Variants in TESPA1 observed in about 807,000 individuals in gnomAD.
The protein encoded by TESPA1 is protein TESPA1.
A neutral mutation model predicts 57.9 loss-of-function variants in TESPA1; 33 were observed. The observed-to-expected ratio is 0.57, with a 90% CI of 0.43 to 0.76. TESPA1 has a LOEUF of 0.76. Among genes scored for constraint, TESPA1 ranks in the 30% least tolerant of loss-of-function variants. TESPA1 has a pLI of 0.00. For synonymous variants in TESPA1, 227 were observed against 228.9 expected, an observed-to-expected ratio of 0.99 and a Z score of 0.07; for missense variants, 618 against 632.9, an observed-to-expected ratio of 0.98 and a Z score of 0.25.
At chr12:54,959,306 A>G (rs774853373) in intron 10 of TESPA1, among the ~76,000 whole-genome samples, 3 of 152,204 alleles carry the variant, frequency 2.0e-5, no homozygotes, top group Non-Finnish European at 2.9e-5. Context: ...TTAGTCTCTG[A>G]TAAAACCTCA....
At position 54,961,269 on chromosome 12, in the gene TESPA1, T is replaced by C; in HGVS notation, c.1468-2A>G. ...CTCCTCCTCACTGTTGCTTTGCACC[T>C]GTAACCAAGATCCCACAGAACTCAG... On this transcript the variant is annotated splice_acceptor_variant, in intron 9 of 10. Coordinates refer to ENST00000449076, the MANE Select transcript of TESPA1 (RefSeq NM_001136030.3). LOFTEE classifies it high-confidence loss of function. 1.2e-6 allele frequency: 2 copies of C among 1,613,848 alleles called. No individual in the cohort carries two copies.
rs374220442 is a variant in TESPA1 at position 54,973,477 on chromosome 12, C to A, written c.206G>T (p.Gly69Val). The A allele has an allele frequency of 6.2e-7, 1 of 1,613,984 alleles. No homozygotes were observed. Among genetic ancestry groups the A allele is most frequent in the African/African-American group, 1.3e-5 (1 of 75,030 alleles). ...NKIEDWLQDC[G>V]YSEEGFSEEA... Reference sequence around the variant, plus strand: ...ACCCCATTGCCTGTCCAGCACTTACCCGCAATCCTGCAGCCAGTCTTCAAT... The same window carrying A: ...ACCCCATTGCCTGTCCAGCACTTACACGCAATCCTGCAGCCAGTCTTCAAT... Residue 69 changes from glycine to valine, a missense_variant and splice_region_variant, in exon 3 of 11, where the codon GGA becomes GTA. Gly to Val is a moderately radical substitution (Grantham distance 109). Transcript: ENST00000449076.
rs752909410 is a variant in TESPA1 at position 54,962,708 on chromosome 12, A to G, written c.1190T>C (p.Ile397Thr). ...GTCTGTGCTCCACTGTGGATCTTCT[A>G]TGGGCAGAGAATGTGTGCAACAGGG... Reference protein sequence around the residue: ...KVPCCTHSLPIEDPQWSTDPA... With the variant: ...KVPCCTHSLPTEDPQWSTDPA... The change falls in exon 9 of 11, where the codon ATA becomes ACA. Residue 397 changes from isoleucine to threonine, a missense_variant. Ile to Thr is a moderately conservative substitution (Grantham distance 89). This residue lies in a region of TESPA1 where 409 missense variants were observed against 420.1 expected (regional missense o/e 0.97). Coordinates refer to ENST00000449076, the MANE Select transcript of TESPA1 (RefSeq NM_001136030.3). 9 of 1,613,816 alleles carry G rather than the reference A, an allele frequency of 5.6e-6. No homozygotes were observed. In the East Asian group the frequency reaches 8.9e-5, roughly 16 times the overall value.
chr12:54,975,506 C>T (rs1952100409), intron 1 of TESPA1, among the ~76,000 whole-genome samples: 1 of 152,060 alleles, frequency 6.6e-6, no homozygotes, highest in African/African-American at 2.4e-5. Flanking sequence ...AAGCTTGAAG[C>T]TAATGTAATA....
At chr12:54,976,552 A>AGGAG (rs372109874) in intron 1 of TESPA1, among the ~76,000 whole-genome samples, 5 of 142,464 alleles carry the variant, frequency 3.5e-5, no homozygotes, top group East Asian at 4.9e-4. Context: ...GAGGAAAAGA[A>AGGAG]GGAGGGAGGG....
intron 3 of TESPA1, among the ~76,000 whole-genome samples, chr12:54,969,022 T>TGTGTGTGC (rs1491586370): frequency 5.0e-5 from 3 of 60,294 alleles, no homozygotes; most frequent in African/African-American, 3.4e-4. Flanking sequence ...TTTATATATG[T>TGTGTGTGC]ATATATATAT....
chr12:54,961,323 A>G, intron 9 of TESPA1, 56 bp from the exon 10 acceptor site: 1 of 1,602,300 alleles, frequency 6.2e-7, no homozygotes, highest in East Asian at 2.2e-5. Context: ...GGGGGTAAGG[A>G]AAGGTGCAGG....
chr12:54,968,700 T>C (rs1029346859), intron 3 of TESPA1, among the ~76,000 whole-genome samples: 2 of 152,138 alleles, frequency 1.3e-5, no homozygotes, highest in Non-Finnish European at 2.9e-5. Context: ...AACACTGATA[T>C]GTTGTGAATT....
intron 1 of TESPA1, 33 bp from the exon 2 acceptor site, chr12:54,974,640 C>T: frequency 7.2e-7 from 1 of 1,382,968 alleles, no homozygotes; most frequent in African/African-American, 1.5e-5. Context: ...ACTCCCTCAT[C>T]ATATGCTCAG....
At chr12:54,972,532 A>T (rs1951898129) in intron 3 of TESPA1, among the ~76,000 whole-genome samples, 1 of 152,152 alleles carries the variant, frequency 6.6e-6, no homozygotes, top group Non-Finnish European at 1.5e-5. Flanking sequence ...GATTACCACC[A>T]TTCTTTTCTT....
At chr12:54,961,597 A>AGAAGAGTTGGTGGACTTAGAGAACAC (rs1190276814) in intron 9 of TESPA1, among the ~76,000 whole-genome samples, 1 of 152,220 alleles carries the variant, frequency 6.6e-6, no homozygotes, top group African/African-American at 2.4e-5. Flanking sequence ...TTAGAGGGTC[A>AGAAGAGTTGGTGGACTTAGAGAACAC]GAAGAGTTGG....
At chr12:54,951,100 C>T (rs974470462) in intron 10 of TESPA1, among the ~76,000 whole-genome samples, 1 of 152,160 alleles carries the variant, frequency 6.6e-6, no homozygotes, top group African/African-American at 2.4e-5. Flanking sequence ...TGTGTCCCCA[C>T]CCAAATATCA....
intron 1 of TESPA1, among the ~76,000 whole-genome samples, chr12:54,975,943 A>T (rs1009624082): frequency 9.9e-5 from 15 of 152,124 alleles, no homozygotes; most frequent in Non-Finnish European, 1.8e-4. Flanking sequence ...AACTTCCTTC[A>T]CTTCAGGTCC....
At chr12:54,973,967 G>GTAC in intron 2 of TESPA1, 1 of 925,716 alleles carries the variant, frequency 1.1e-6, no homozygotes, top group South Asian at 4.5e-5. Flanking sequence ...TGTAGGAAAG[G>GTAC]TACTACTACT....
chr12:54,955,238 A>G (rs1465322852), intron 10 of TESPA1, among the ~76,000 whole-genome samples: 1 of 152,212 alleles, frequency 6.6e-6, no homozygotes, highest in African/African-American at 2.4e-5. Context: ...CTTTCAATAA[A>G]TGATAATTCC....
chr12:54,949,359 C>A lies in TESPA1; in HGVS notation c.*1033G>T, dbSNP rs1006872467. On this transcript the variant is annotated 3_prime_UTR_variant, in exon 11 of 11. Transcript: ENST00000449076. ...TTTGGTTATGATTTCCCTCAAATTC[C>A]CTCAAGTCCCTCTCTTCCTGTTTTT... 7.0e-6 allele frequency: 1 copy of A among 142,356 alleles called. No individual in the cohort carries two copies. Among genetic ancestry groups the A allele is most frequent in the Non-Finnish European group, 1.5e-5 (1 of 66,340 alleles). The allele number at this position is 142,356 out of a possible 1,614,324, so 8.8% of individuals were successfully genotyped here.
At chr12:54,983,304 A>G (rs555545551) in intron 1 of TESPA1, among the ~76,000 whole-genome samples, 1 of 152,284 alleles carries the variant, frequency 6.6e-6, no homozygotes, top group South Asian at 2.1e-4. Context: ...AATAACTCAG[A>G]TGTTAAATTG....
rs1950216994 is a variant in TESPA1, at chr12:54,948,725, A to T, written c.*1667T>A. 2 of 152,362 alleles carry T rather than the reference A, an allele frequency of 1.3e-5. No homozygotes were observed. The highest frequency in any genetic ancestry group is 2.9e-5 in the Non-Finnish European group (2 of 68,124). The allele number at this position is 152,362 out of a possible 1,614,324, so 9.4% of individuals were successfully genotyped here. ...AACCTCTTTTCTGTATAAATTACCC[A>T]GTCTCAGGTATTTATTTATAGCAGT... is the stretch of plus-strand genomic sequence containing the variant. On this transcript the variant is annotated 3_prime_UTR_variant, in exon 11 of 11. Coordinates refer to ENST00000449076, the MANE Select transcript of TESPA1 (RefSeq NM_001136030.3).
chr12:54,966,546 T>C (rs1437790065), intron 5 of TESPA1, 122 bp from the exon 6 acceptor site: 3 of 1,142,812 alleles, frequency 2.6e-6, no homozygotes, highest in Non-Finnish European at 2.5e-6. Flanking sequence ...ACAGGCTAGC[T>C]GGACCCCATA....
Sources: gnomAD v4.1 joint callset for allele counts (sites outside exome capture counted in the v4.1 genomes callset) on GRCh38, gnomAD v4.1.1 for gene constraint, gnomAD v4.1.1 regional missense constraint, MANE v1.5 for transcripts, NCBI Gene and HGNC (gene_info 2026-07-23, HGNC 2026-07-21) for gene names.